ATP13A5: variants seen among roughly 807,000 people sequenced by gnomAD.
ATP13A5 encodes the protein probable cation-transporting ATPase 13A5.
ATP13A5 carries 149 observed loss-of-function variants against 150.2 expected under a neutral mutation model. The ratio of observed to expected loss-of-function variants is 0.99; its 90% CI spans 0.87 to 1.14. The LOEUF is 1.14. Among genes scored for constraint, ATP13A5 ranks in the 50% most tolerant of loss-of-function variants. ATP13A5 has a pLI of 0.00. For missense variants in ATP13A5, 1,383 were observed against 1,449.3 expected (o/e 0.95, Z 0.74); for synonymous variants, 497 against 522.2 (o/e 0.95, Z 0.66).
intron 9 of ATP13A5, among the ~76,000 whole-genome samples, chr3:193,340,810 A>G (rs6444704): frequency 0.03 from 4,593 of 152,226 alleles, 199 homozygotes; most frequent in African/African-American, 0.11. Context: ...TGTCATTTGT[A>G]TACTTTCATG....
intron 9 of ATP13A5, among the ~76,000 whole-genome samples, chr3:193,337,325 T>G (rs1481973402): frequency 1.3e-5 from 2 of 152,234 alleles, no homozygotes; most frequent in East Asian, 3.8e-4. Context: ...GCCTATGTCC[T>G]GAATGGTATT....
intron 1 of ATP13A5, among the ~76,000 whole-genome samples, chr3:193,375,517 T>G (rs1349103165): frequency 6.6e-6 from 1 of 152,084 alleles, no homozygotes; most frequent in Non-Finnish European, 1.5e-5. Context: ...GCAGGGCAGA[T>G]TTTTAGGAAA....
chr3:193,371,986 A>G (rs1233909482), intron 1 of ATP13A5, among the ~76,000 whole-genome samples: 1 of 152,094 alleles, frequency 6.6e-6, no homozygotes, highest in Non-Finnish European at 1.5e-5. Context: ...GTGTCATGTT[A>G]AGTTTCTGCC....
At chr3:193,314,374 C>T in intron 18 of ATP13A5, 181 bp from the exon 19 acceptor site, 3 of 594,790 alleles carry the variant, frequency 5.0e-6, no homozygotes, top group Non-Finnish European at 8.8e-6. Flanking sequence ...TTCCCATCTC[C>T]CTCTCCATAT....
chr3:193,343,436 T>C (rs951827440), intron 9 of ATP13A5, among the ~76,000 whole-genome samples: 1 of 152,226 alleles, frequency 6.6e-6, no homozygotes, highest in East Asian at 1.9e-4. Context: ...CGATCGTCTT[T>C]GCCCGGAGGT....
At chr3:193,354,328 G>T in intron 5 of ATP13A5, 132 bp from the exon 6 acceptor site, 1 of 758,080 alleles carries the variant, frequency 1.3e-6, no homozygotes, top group Non-Finnish European at 2.1e-6. Flanking sequence ...TAATGTGCAA[G>T]TTCTTTTGAA....
At chr3:193,322,312 C>T (rs969413466) in intron 15 of ATP13A5, among the ~76,000 whole-genome samples, 179 bp downstream of exon 15, 1 of 152,134 alleles carries the variant, frequency 6.6e-6, no homozygotes, top group Admixed American at 6.5e-5. Flanking sequence ...CTAGCGTACA[C>T]AGGTAGTGTT....
In ATP13A5 at chr3:193,310,725, GA is replaced by G; in HGVS notation, c.2446-9del. The G allele has an allele frequency of 6.3e-7, 1 of 1,592,552 alleles. No individual in the cohort carries two copies. Among genetic ancestry groups the G allele is most frequent in the Non-Finnish European group, 8.5e-7 (1 of 1,173,168 alleles). On this transcript the variant is annotated splice_polypyrimidine_tract_variant and intron_variant, in intron 20 of 29. Coordinates refer to ENST00000342358, the MANE Select transcript of ATP13A5 (RefSeq NM_198505.4). ...TGTTCCATTCACCAGAATCTAAAAA[GA>G]AAAAACAACCATTGCAATATGATTG...
At chr3:193,337,588 A>C (rs1711931311) in intron 9 of ATP13A5, among the ~76,000 whole-genome samples, 1 of 152,030 alleles carries the variant, frequency 6.6e-6, no homozygotes, top group African/African-American at 2.4e-5. Flanking sequence ...CCATTGGTCT[A>C]TGTCTCTGTT....
chr3:193,296,483 T>A (rs1718176356), intron 25 of ATP13A5, among the ~76,000 whole-genome samples: 1 of 152,122 alleles, frequency 6.6e-6, no homozygotes, highest in Admixed American at 6.6e-5. Flanking sequence ...TTGTCAGAGA[T>A]CAGATGGTTG....
At chr3:193,343,885 G>C (rs761747852) in intron 9 of ATP13A5, 42 bp downstream of exon 9, 1 of 1,598,196 alleles carries the variant, frequency 6.3e-7, no homozygotes, top group Admixed American at 1.7e-5. Flanking sequence ...GATCTGATTA[G>C]ATGTCAGACA....
At chr3:193,305,416 GC>G (rs1718572727) in intron 23 of ATP13A5, 142 bp downstream of exon 23, 3 of 715,066 alleles carry the variant, frequency 4.2e-6, no homozygotes, top group Admixed American at 2.3e-5. Context: ...AACACTAATG[GC>G]CCCCTTCATT....
At chr3:193,353,847 C>T (rs577107227) in intron 6 of ATP13A5, among the ~76,000 whole-genome samples, 5 of 152,136 alleles carry the variant, frequency 3.3e-5, no homozygotes, top group African/African-American at 7.2e-5. Context: ...GTTATAGCAA[C>T]CCAGTGGACT....
At chr3:193,328,500 T>A (rs1025749439) in intron 12 of ATP13A5, among the ~76,000 whole-genome samples, 1 of 152,220 alleles carries the variant, frequency 6.6e-6, no homozygotes, top group African/African-American at 2.4e-5. Context: ...ATGATGTTTT[T>A]AAACATCAAT....
At chr3:193,323,630 T>C (rs1719364188) in intron 14 of ATP13A5, 1 of 152,212 alleles carries the variant, frequency 6.6e-6, no homozygotes, top group Non-Finnish European at 1.5e-5. Context: ...ATGATTCTGT[T>C]AAGGACACTG....
In ATP13A5 at chr3:193,378,532, C is replaced by A. The variant is rs538814375; in HGVS notation, c.63+131G>T. 46 of 811,336 alleles carry A rather than the reference C, an allele frequency of 5.7e-5. No individual in the cohort carries two copies. The South Asian group carries it at 5.9e-4, about 10-fold the overall frequency. The allele number at this position is 811,336 out of a possible 1,614,324, so 50.3% of individuals were successfully genotyped here. A position where few individuals can be genotyped will look rare whatever the true frequency, so the allele number is the denominator to read the frequency against. ...GCTTTGCAGCCCTTAAGGAACCTTACCAGACTGAAACCTTTCAAGGTCCTA... is the reference window on the plus strand; with the variant it reads ...GCTTTGCAGCCCTTAAGGAACCTTAACAGACTGAAACCTTTCAAGGTCCTA... On this transcript the variant is annotated intron_variant, in intron 1 of 29. Coordinates refer to ENST00000342358, the MANE Select transcript of ATP13A5 (RefSeq NM_198505.4).
intron 5 of ATP13A5, among the ~76,000 whole-genome samples, chr3:193,360,219 T>G (rs180839121): frequency 2.6e-5 from 4 of 152,334 alleles, no homozygotes; most frequent in African/African-American, 9.6e-5. Flanking sequence ...TCACAATTTC[T>G]CTCCGGGGTA....
At chr3:193,313,964 G>A in intron 19 of ATP13A5, 69 bp downstream of exon 19, 1 of 1,533,476 alleles carries the variant, frequency 6.5e-7, no homozygotes, top group South Asian at 1.2e-5. Context: ...GTTGAGAGAA[G>A]GCTGAGCAGT....
In ATP13A5 at chr3:193,280,290, G is replaced by A. The variant is rs150028690; in HGVS notation, c.3227-836C>T. ...GGCTGGGCTCGAACTCCTGACCTGC[G>A]ATCCACCCGCCTCGGCCTCCCAAAG... On this transcript the variant is annotated intron_variant, in intron 27 of 29. Coordinates refer to ENST00000342358, the MANE Select transcript of ATP13A5 (RefSeq NM_198505.4). Among the ~76,000 whole-genome samples the A allele has an allele frequency of 6.3e-3, 956 of 152,104 alleles. 11 individuals are homozygous for A. Among genetic ancestry groups the A allele is most frequent in the African/African-American group, 0.022 (895 of 41,490 alleles).
Sources: gnomAD v4.1 joint callset for allele counts (sites outside exome capture counted in the v4.1 genomes callset) on GRCh38, gnomAD v4.1.1 for gene constraint, MANE v1.5 for transcripts, NCBI Gene and HGNC (gene_info 2026-07-23, HGNC 2026-07-21) for gene names.